Variants in CELF2 observed in about 807,000 individuals in gnomAD.
CELF2 encodes CUG triplet repeat RNA-binding protein 2.
CELF2 carries 8 observed loss-of-function variants against 62.6 expected under a neutral mutation model. That is an observed-to-expected ratio of 0.13 (90% CI 0.07 to 0.23). The LOEUF is 0.23. Among genes scored for constraint, CELF2 ranks in the 10% least tolerant of loss-of-function variants. The pLI, the probability that CELF2 is intolerant of heterozygous loss-of-function variation, is 1.00. For synonymous variants in CELF2, 258 were observed against 250.0 expected (o/e 1.03, Z -0.30); for missense variants, 333 against 671.0 (o/e 0.50, Z 5.56).
intron 2 of CELF2, among the ~76,000 whole-genome samples, chr10:10,966,929 A>T (rs193107496): frequency 6.6e-6 from 1 of 152,354 alleles, no homozygotes; most frequent in East Asian, 1.9e-4. Context: ...GATGAACCAG[A>T]AGAGTTATTT....
chr10:10,800,214 G>A (rs948487451), intron 1 of CELF2, among the ~76,000 whole-genome samples: 5 of 152,048 alleles, frequency 3.3e-5, no homozygotes, highest in South Asian at 2.1e-4. Context: ...AACTTTCCAC[G>A]GATGCTTTTT....
chr10:10,467,834 G>A, the CELF2 span, among the ~76,000 whole-genome samples: 15 of 151,840 alleles, frequency 9.9e-5, no homozygotes, highest in African/African-American at 3.6e-4. Flanking sequence ...ACTTCAAGAA[G>A]GTCATGGAAA....
intron 1 of CELF2, among the ~76,000 whole-genome samples, chr10:11,045,657 TAA>T (rs2062685611): frequency 6.6e-6 from 1 of 152,150 alleles, no homozygotes; most frequent in Non-Finnish European, 1.5e-5. Context: ...GACTCTCAGG[TAA>T]AGAGTAGTAA....
At chr10:11,054,483 G>A (rs1428475200) in intron 1 of CELF2, among the ~76,000 whole-genome samples, 3 of 86,986 alleles carry the variant, frequency 3.4e-5, no homozygotes, top group Non-Finnish European at 6.4e-5. Context: ...AACTGTGTAT[G>A]TGTGTTTGTG....
At chr10:10,847,738 C>T (rs2132684197) in intron 1 of CELF2, among the ~76,000 whole-genome samples, 1 of 152,296 alleles carries the variant, frequency 6.6e-6, no homozygotes, top group South Asian at 2.1e-4. Context: ...GCAGAATCAC[C>T]TGGGCCCTAC....
At chr10:10,820,404 C>T in intron 1 of CELF2, among the ~76,000 whole-genome samples, 1 of 152,222 alleles carries the variant, frequency 6.6e-6, no homozygotes, top group East Asian at 1.9e-4. Flanking sequence ...CTTCCACCAT[C>T]TCCCCATTCT....
At chr10:10,496,761 G>A in the CELF2 span, among the ~76,000 whole-genome samples, 2 of 152,116 alleles carry the variant, frequency 1.3e-5, no homozygotes, top group Non-Finnish European at 2.9e-5. Context: ...CAGGACCTGG[G>A]GTGCTTAACA....
At chr10:11,284,477 T>TGGATGAGGGATGAGTGTGTGGTGGG (rs1286712233) in intron 8 of CELF2, among the ~76,000 whole-genome samples, 1 of 140,048 alleles carries the variant, frequency 7.1e-6, no homozygotes, top group African/African-American at 2.7e-5. Flanking sequence ...GTGTGGTGGG[T>TGGATGAGGGATGAGTGTGTGGTGGG]GGATGAGGGA....
chr10:10,505,836 T>C, the CELF2 span, among the ~76,000 whole-genome samples: 1 of 152,220 alleles, frequency 6.6e-6, no homozygotes, highest in South Asian at 2.1e-4. Flanking sequence ...TTTGTTGGGC[T>C]TTTTAAAATG....
the CELF2 span, among the ~76,000 whole-genome samples, chr10:10,566,118 C>A: frequency 0.029 from 4,476 of 152,228 alleles, 121 homozygotes; most frequent in East Asian, 0.1. Context: ...CAAAACAGAA[C>A]CATGCATGGT....
the CELF2 span, among the ~76,000 whole-genome samples, chr10:10,584,003 C>A: frequency 6.6e-6 from 1 of 152,078 alleles, no homozygotes; most frequent in Non-Finnish European, 1.5e-5. Flanking sequence ...TGCCTTCCAA[C>A]CCCAAGACCG....
chr10:10,853,850 G>A (rs1033526397), intron 1 of CELF2, among the ~76,000 whole-genome samples: 2 of 151,990 alleles, frequency 1.3e-5, no homozygotes, highest in Non-Finnish European at 2.9e-5. Flanking sequence ...GAGGATGCCG[G>A]CTGGCCAGGT....
chr10:10,490,847 T>C, the CELF2 span, among the ~76,000 whole-genome samples: 1 of 152,122 alleles, frequency 6.6e-6, no homozygotes, highest in African/African-American at 2.4e-5. Flanking sequence ...TAATGGCTAC[T>C]TGGGATTAAA....
intron 1 of CELF2, among the ~76,000 whole-genome samples, chr10:11,091,997 G>A (rs566618489): frequency 2.4e-4 from 37 of 152,266 alleles, no homozygotes; most frequent in African/African-American, 7.7e-4. Context: ...ATCCTAGAAC[G>A]TAATAAAACC....
chr10:10,705,788 G>A, the CELF2 span, among the ~76,000 whole-genome samples: 10 of 152,170 alleles, frequency 6.6e-5, no homozygotes, highest in African/African-American at 2.2e-4. Flanking sequence ...TAACACAGGA[G>A]GCCCATTCAC....
chr10:10,623,051 A>G, the CELF2 span, among the ~76,000 whole-genome samples: 1 of 131,826 alleles, frequency 7.6e-6, no homozygotes, highest in Non-Finnish European at 1.5e-5. Context: ...GCGCCACAGC[A>G]CTCCAACCTG....
chr10:11,025,607 A>T (rs938483939), intron 1 of CELF2, among the ~76,000 whole-genome samples: 1 of 152,100 alleles, frequency 6.6e-6, no homozygotes, highest in Non-Finnish European at 1.5e-5. Flanking sequence ...TTTATAAATT[A>T]CCCAGTCTCA....
At position 11,324,964 on chromosome 10, in the gene CELF2, C is replaced by T. The variant is rs954790559; in HGVS notation, c.1295-872C>T. Among the ~76,000 whole-genome samples, 1 of 152,202 alleles carries T rather than the reference C, an allele frequency of 6.6e-6. No homozygotes were observed. Among genetic ancestry groups the T allele is most frequent in the African/African-American group, 2.4e-5 (1 of 41,442 alleles). Reference sequence around the variant, plus strand: ...CAAGAAACAGCCAGCCCTCATCTCCCTCAGCTCATATTTATGCCCTTTTGT... The same window carrying T: ...CAAGAAACAGCCAGCCCTCATCTCCTTCAGCTCATATTTATGCCCTTTTGT... On this transcript the variant is annotated intron_variant, in intron 11 of 12. Coordinates refer to ENST00000633077, the MANE Select transcript of CELF2 (RefSeq NM_001326342.2). The surrounding 1 kb of genome is among the most constrained non-coding windows in gnomAD (Gnocchi z 4.7).
chr10:11,127,835 T>C (rs938070779), intron 1 of CELF2, among the ~76,000 whole-genome samples: 1 of 152,234 alleles, frequency 6.6e-6, no homozygotes, highest in Non-Finnish European at 1.5e-5. Flanking sequence ...GTAGGTTGTC[T>C]GTTCACTCTG....
Sources: gnomAD v4.1 joint callset for allele counts (sites outside exome capture counted in the v4.1 genomes callset) on GRCh38, gnomAD v4.1.1 for gene constraint, Gnocchi (gnomAD v3.1) non-coding constraint, MANE v1.5 for transcripts, NCBI Gene and HGNC (gene_info 2026-07-23, HGNC 2026-07-21) for gene names.